The following GRID2 variants were observed in gnomAD, a reference collection of about 807,000 sequenced individuals.
GRID2 encodes the protein glutamate receptor ionotropic, delta-2.
Under a neutral mutation model 114.8 loss-of-function variants are expected in GRID2, and 33 were observed. The observed-to-expected ratio is 0.29, with a 90% CI of 0.22 to 0.38. The LOEUF (loss-of-function observed/expected upper bound fraction) is 0.38, where lower values mean the gene tolerates loss of function less well. Among genes scored for constraint, GRID2 ranks in the 10% least tolerant of loss-of-function variants. The probability of loss-of-function intolerance (pLI) is 1.00; values close to 1 mark genes in which losing one functional copy is unlikely to be tolerated. For missense variants in GRID2, 1,184 were observed against 1,257.7 expected (o/e 0.94, Z 0.89); for synonymous variants, 505 against 449.9 (o/e 1.12, Z -1.55).
At chr4:92,852,621 C>G (rs1560640070) in intron 2 of GRID2, among the ~76,000 whole-genome samples, 1 of 151,994 alleles carries the variant, frequency 6.6e-6, no homozygotes, top group East Asian at 1.9e-4. Context: ...TTTCCACAGT[C>G]CTTGTTATTA....
intron 13 of GRID2, among the ~76,000 whole-genome samples, chr4:93,519,705 T>A (rs1222525149): frequency 6.6e-6 from 1 of 151,984 alleles, no homozygotes; most frequent in Non-Finnish European, 1.5e-5. Context: ...GTAGGATTTG[T>A]AAGTGAATAA....
intron 8 of GRID2, among the ~76,000 whole-genome samples, chr4:93,384,385 CT>C (rs1764132381): frequency 1.3e-5 from 2 of 152,092 alleles, no homozygotes; most frequent in Admixed American, 1.3e-4. Context: ...CAGTGCTCTG[CT>C]TTTTCTTATC....
chr4:93,784,645 T>TACACACACACACACACACAC (rs59896203), intron 1 of GRID2, among the ~76,000 whole-genome samples: 2 of 147,636 alleles, frequency 1.4e-5, no homozygotes, highest in African/African-American at 5.0e-5. Context: ...GTCCTTTTTA[T>TACACACACACACACACACAC]ACACACACAC....
intron 2 of GRID2, among the ~76,000 whole-genome samples, chr4:92,764,532 C>T (rs1332172078): frequency 2.6e-5 from 4 of 152,160 alleles, no homozygotes; most frequent in African/African-American, 2.4e-5. Context: ...AACTTTGTAG[C>T]TTCGTGCACT....
chr4:92,752,441 G>A (rs994102753), intron 2 of GRID2, among the ~76,000 whole-genome samples: 2 of 152,228 alleles, frequency 1.3e-5, no homozygotes, highest in Admixed American at 1.3e-4. Context: ...CTAAACAAAG[G>A]TATGAATGGA....
intron 1 of GRID2, among the ~76,000 whole-genome samples, chr4:93,796,222 G>C (rs570345335): frequency 3.3e-5 from 5 of 152,038 alleles, no homozygotes; most frequent in Non-Finnish European, 7.4e-5. Context: ...TCTAGCTTCT[G>C]ATTAACTCAA....
chr4:93,772,089 T>C lies in GRID2; in HGVS notation c.2615T>C (p.Ile872Thr), dbSNP rs754173120. 3.1e-6 allele frequency: 5 copies of C among 1,606,312 alleles called. No homozygotes were observed. The African/African-American group carries it at 6.7e-5, about 22-fold the overall frequency. The change falls in exon 16 of 16, where the codon ATT (isoleucine) becomes ACT (threonine). Residue 872 changes from isoleucine (I) to threonine (T), a missense_variant. By Grantham distance (89) the Ile-to-Thr change is moderately conservative (BLOSUM62 -1). Around this residue, in one of 3 missense-constraint regions of GRID2, gnomAD observed 717 missense variants for 796.9 expected, o/e 0.90. Transcript: ENST00000282020. ...CTTCATCTCCAGGATGACAAGGAAA[T>C]TGACCTGGAGCACCTCCATAGACGT... is the stretch of plus-strand genomic sequence containing the variant. ...RVPSKEDDKE[I>T]DLEHLHRRVN...
chr4:92,875,584 A>T (rs1433049230), intron 2 of GRID2, among the ~76,000 whole-genome samples: 1 of 152,220 alleles, frequency 6.6e-6, no homozygotes, highest in East Asian at 1.9e-4. Context: ...TTAGAAAAAT[A>T]TAGCTAATTC....
chr4:93,506,282 T>C (rs2149480111), intron 12 of GRID2, among the ~76,000 whole-genome samples: 1 of 152,242 alleles, frequency 6.6e-6, no homozygotes, highest in East Asian at 1.9e-4. Flanking sequence ...TTCCCAAGTC[T>C]GTCAGGGTAG....
chr4:92,848,460 A>G (rs1743503489), intron 2 of GRID2, among the ~76,000 whole-genome samples: 1 of 151,950 alleles, frequency 6.6e-6, no homozygotes, highest in South Asian at 2.1e-4. Flanking sequence ...TGCTAAAGAA[A>G]GGCTTTCTCT....
intron 1 of GRID2, among the ~76,000 whole-genome samples, chr4:92,534,356 T>G (rs1287971031): frequency 6.6e-6 from 1 of 152,140 alleles, no homozygotes; most frequent in Admixed American, 6.5e-5. Flanking sequence ...ATCCATTCAT[T>G]TCATGAGTGT....
chr4:93,238,595 G>T (rs1747091207), intron 8 of GRID2, 105 bp downstream of exon 8: 6 of 836,922 alleles, frequency 7.2e-6, no homozygotes, highest in East Asian at 3.2e-5. Context: ...CAATATTGTA[G>T]TGTGAAAGAG....
At chr4:92,824,585 T>TA (rs150490973) in intron 2 of GRID2, among the ~76,000 whole-genome samples, 6,129 of 152,192 alleles carry the variant, frequency 0.04, 183 homozygotes, top group East Asian at 0.12. Context: ...ATTGCTCTTT[T>TA]AAAAAACTAA....
intron 1 of GRID2, among the ~76,000 whole-genome samples, chr4:92,583,108 CTG>C (rs112739203): frequency 2.0e-4 from 31 of 152,076 alleles, no homozygotes; most frequent in African/African-American, 6.5e-4. Context: ...TGCTAAGAAA[CTG>C]AGAGCTGTGG....
intron 14 of GRID2, among the ~76,000 whole-genome samples, chr4:93,704,797 G>A (rs1727847470): frequency 6.6e-6 from 1 of 151,996 alleles, no homozygotes. Flanking sequence ...CAATTTTTAT[G>A]GTCAAATAGT....
rs1186387054 is a variant in GRID2 at position 93,769,465 on chromosome 4, G to A, written c.2601+15G>A. 1 of 1,612,848 alleles carries A rather than the reference G, an allele frequency of 6.2e-7. No homozygotes were observed. Among genetic ancestry groups the A allele is most frequent in the East Asian group, 2.2e-5 (1 of 44,878 alleles). On this transcript the variant is annotated intron_variant, in intron 15 of 15. Transcript: ENST00000282020. ...CATCAAAAGAGGTACTTGATTGAGA[G>A]ATTTGGCTCTAAATTGAATCAACAA...
At chr4:92,777,447 C>T (rs1738865329) in intron 2 of GRID2, among the ~76,000 whole-genome samples, 2 of 151,956 alleles carry the variant, frequency 1.3e-5, no homozygotes, top group Non-Finnish European at 2.9e-5. Context: ...CCATATGTTG[C>T]TAAGGGAAAT....
At chr4:93,299,044 A>C (rs1352302225) in intron 8 of GRID2, among the ~76,000 whole-genome samples, 1 of 152,222 alleles carries the variant, frequency 6.6e-6, no homozygotes, top group East Asian at 1.9e-4. Flanking sequence ...TAGAAAAATA[A>C]AGGCAGCCAA....
At chr4:93,566,069 C>A (rs934927059) in intron 13 of GRID2, among the ~76,000 whole-genome samples, 2 of 152,214 alleles carry the variant, frequency 1.3e-5, no homozygotes, top group African/African-American at 4.8e-5. Flanking sequence ...TATCATTTTT[C>A]TAAGACGTCA....
Sources: gnomAD v4.1 joint callset for allele counts (sites outside exome capture counted in the v4.1 genomes callset) on GRCh38, gnomAD v4.1.1 for gene constraint, gnomAD v4.1.1 regional missense constraint, MANE v1.5 for transcripts, NCBI Gene and HGNC (gene_info 2026-07-23, HGNC 2026-07-21) for gene names.